The following ANKS6 variants were observed in gnomAD, a reference collection of about 807,000 sequenced individuals.
The protein encoded by ANKS6 is ankyrin repeat and SAM domain-containing protein 6.
Under a neutral mutation model 77.9 loss-of-function variants are expected in ANKS6, and 47 were observed. The observed-to-expected ratio is 0.60, with a 90% CI of 0.48 to 0.77. ANKS6 has a LOEUF of 0.77. ANKS6 is among the 30% of genes least tolerant of loss of function. ANKS6 has a pLI of 0.00. For synonymous variants in ANKS6, 488 were observed against 501.7 expected, an observed-to-expected ratio of 0.97 and a Z score of 0.37; for missense variants, 1,150 against 1,159.1, an observed-to-expected ratio of 0.99 and a Z score of 0.11.
At chr9:98,792,418 C>T (rs977091832) in intron 1 of ANKS6, among the ~76,000 whole-genome samples, 1 of 152,198 alleles carries the variant, frequency 6.6e-6, no homozygotes, top group Non-Finnish European at 1.5e-5. Context: ...GGGTTCCACG[C>T]ATATTGTTTC....
Position 98,732,427 on chromosome 9 carries a change from C to G in ANKS6, c.*4092G>C, listed in dbSNP as rs907751482. The G allele has an allele frequency of 6.5e-5, 96 of 1,466,370 alleles. No individual in the cohort carries two copies. The highest frequency in any genetic ancestry group is 8.7e-5 in the Non-Finnish European group (93 of 1,075,070). The allele number at this position is 1,466,370 out of a possible 1,614,324, so 90.8% of individuals were successfully genotyped here. A position where few individuals can be genotyped will look rare whatever the true frequency, so the allele number is the denominator to read the frequency against. On this transcript the variant is annotated 3_prime_UTR_variant, in exon 15 of 15. Transcript: ENST00000353234. The stretch of plus-strand genomic sequence containing the variant: ...AGTGACAGCAAGACCCAGAGTCAGG[C>G]ACATTTGGAGGGCAGGTCCATCGGC...
At chr9:98,773,144 T>A (rs942044570) in intron 9 of ANKS6, among the ~76,000 whole-genome samples, 3 of 152,242 alleles carry the variant, frequency 2.0e-5, no homozygotes, top group African/African-American at 7.2e-5. Flanking sequence ...CTGCCTGTTT[T>A]GAGAGCATCT....
At chr9:98,784,943 T>C in intron 2 of ANKS6, 67 bp from the exon 3 acceptor site, 1 of 1,417,648 alleles carries the variant, frequency 7.1e-7, no homozygotes, top group Non-Finnish European at 9.9e-7. Context: ...GTCACAAGGG[T>C]GTAACAACAC....
At position 98,756,497 on chromosome 9, in the gene ANKS6, G is replaced by A; in HGVS notation, c.2249C>T (p.Ser750Phe). ...ATGGGATGACGAGGAAGACACTGAG[G>A]ACTCTGCAGTGTGCCCTTTGGGTGA... ...SPSPKGHTAE[S>F]SVSSSSSHRQ... The change falls in exon 12 of 15, where the codon TCC becomes TTC. Residue 750 changes from serine (S) to phenylalanine (F), a missense_variant. Physicochemically the swap from Ser to Phe is radical, Grantham distance 155. Transcript: ENST00000353234. 1 of 1,613,130 alleles carries A rather than the reference G, an allele frequency of 6.2e-7. No homozygotes were observed. Among genetic ancestry groups the A allele is most frequent in the Non-Finnish European group, 8.5e-7 (1 of 1,179,514 alleles).
At chr9:98,742,776 T>C (rs1012065422) in intron 14 of ANKS6, among the ~76,000 whole-genome samples, 86 of 122,992 alleles carry the variant, frequency 7.0e-4, no homozygotes, top group African/African-American at 2.5e-3. Context: ...CTAACAGCTG[T>C]CCCTTCTGCT....
chr9:98,758,539 G>T (rs1018121771), intron 11 of ANKS6, among the ~76,000 whole-genome samples: 2 of 152,048 alleles, frequency 1.3e-5, no homozygotes, highest in Admixed American at 6.6e-5. Context: ...CTGCTTCTAG[G>T]TCCTCAAAGT....
Position 98,796,518 on chromosome 9 carries a change from C to T in ANKS6, c.-27G>A, listed in dbSNP as rs1835188266. 38 of 983,720 alleles carry T rather than the reference C, an allele frequency of 3.9e-5. No homozygotes were observed. Among genetic ancestry groups the T allele is most frequent in the Non-Finnish European group, 4.6e-5 (38 of 829,506 alleles). 60.9% of individuals were successfully genotyped at this position (983,720 alleles called of 1,614,324 possible). On this transcript the variant is annotated 5_prime_UTR_variant, in exon 1 of 15. Transcript: ENST00000353234. ...GCCGCCGCCACGCGCGGCCCGCTCC[C>T]GTCCGCCCCGCCGGCCGCGTCGGCT...
At chr9:98,785,445 C>T (rs897658968) in intron 2 of ANKS6, among the ~76,000 whole-genome samples, 1 of 152,222 alleles carries the variant, frequency 6.6e-6, no homozygotes, top group Non-Finnish European at 1.5e-5. Context: ...GGCCAAAAGC[C>T]GCTGCCCAAC....
chr9:98,736,099 T>A lies in ANKS6; in HGVS notation c.*420A>T. The A allele has an allele frequency of 8.7e-7, 1 of 1,155,844 alleles. No individual in the cohort carries two copies. The allele number at this position is 1,155,844 out of a possible 1,614,324, so 71.6% of individuals were successfully genotyped here. ...CCAGGTGGGGCCACATGACTACCAG[T>A]GGCCAAGAGGACGTGAGCAGGAGTG... On this transcript the variant is annotated 3_prime_UTR_variant, in exon 15 of 15. Coordinates refer to ENST00000353234, the MANE Select transcript of ANKS6 (RefSeq NM_173551.5).
chr9:98,776,116 C>T (rs757269698), intron 8 of ANKS6, among the ~76,000 whole-genome samples: 2 of 152,154 alleles, frequency 1.3e-5, no homozygotes, highest in Non-Finnish European at 1.5e-5. Context: ...AGGAAACAAA[C>T]GTGAAACCCA....
chr9:98,758,811 C>CA (rs1411262075), intron 11 of ANKS6, among the ~76,000 whole-genome samples: 1 of 152,002 alleles, frequency 6.6e-6, no homozygotes, highest in Non-Finnish European at 1.5e-5. Flanking sequence ...TACATGTACA[C>CA]AAAAAAATTT....
At chr9:98,740,927 A>C (rs1386617196) in intron 14 of ANKS6, among the ~76,000 whole-genome samples, 1 of 152,244 alleles carries the variant, frequency 6.6e-6, no homozygotes, top group Non-Finnish European at 1.5e-5. Context: ...TAATACTGGC[A>C]AAGCTGCAGT....
chr9:98,769,204 C>T (rs1443561693), intron 10 of ANKS6, among the ~76,000 whole-genome samples: 1 of 151,422 alleles, frequency 6.6e-6, no homozygotes, highest in East Asian at 1.9e-4. Flanking sequence ...TCAAGAGGGA[C>T]ACTAATGACT....
intron 1 of ANKS6, among the ~76,000 whole-genome samples, chr9:98,792,636 A>G (rs943636855): frequency 2.0e-5 from 3 of 152,258 alleles, no homozygotes; most frequent in Non-Finnish European, 4.4e-5. Context: ...GATAAAATCT[A>G]GCATAATCCC....
At chr9:98,782,319 C>G (rs1207950947) in intron 5 of ANKS6, 148 bp downstream of exon 5, 3 of 727,934 alleles carry the variant, frequency 4.1e-6, no homozygotes, top group Non-Finnish European at 6.8e-6. Context: ...TGCCTAAGAT[C>G]ATGCAGTAAG....
In ANKS6 at chr9:98,733,334, A is replaced by G. The variant is rs965231704; in HGVS notation, c.*3185T>C. On this transcript the variant is annotated 3_prime_UTR_variant, in exon 15 of 15. Transcript: ENST00000353234. ...GGACATCCAGCACTCACGACACACC[A>G]GCAAGACACTGCCTGGGTGCTGGGA... is the stretch of plus-strand genomic sequence containing the variant. 24 of 985,386 alleles carry G rather than the reference A, an allele frequency of 2.4e-5. No homozygotes were observed. Among genetic ancestry groups the G allele is most frequent in the African/African-American group, 7.0e-5 (4 of 57,250 alleles). 61.0% of individuals were successfully genotyped at this position (985,386 alleles called of 1,614,324 possible).
intron 11 of ANKS6, among the ~76,000 whole-genome samples, chr9:98,758,324 C>CTTTT (rs35699060): frequency 5.9e-5 from 8 of 134,844 alleles, no homozygotes; most frequent in South Asian, 2.4e-4. Flanking sequence ...CGCCATCTTT[C>CTTTT]TTTTTTTTTT....
At chr9:98,789,428 T>A (rs1239137921) in intron 2 of ANKS6, among the ~76,000 whole-genome samples, 7 of 129,992 alleles carry the variant, frequency 5.4e-5, no homozygotes, top group Admixed American at 7.8e-5. Flanking sequence ...GGCAAGAAGT[T>A]AAAAAAAAAA....
At chr9:98,779,686 C>T (rs1333013136) in intron 6 of ANKS6, among the ~76,000 whole-genome samples, 3 of 151,896 alleles carry the variant, frequency 2.0e-5, no homozygotes, top group South Asian at 2.1e-4. Context: ...TTTTTTGAGA[C>T]GGAGTTTCGC....
Sources: allele counts gnomAD v4.1 joint callset (sites outside exome capture counted in the v4.1 genomes callset), GRCh38; gene constraint gnomAD v4.1.1; transcripts MANE v1.5; gene names NCBI Gene and HGNC (gene_info 2026-07-23, HGNC 2026-07-21).